KCNIP4: variants seen among roughly 807,000 people sequenced by gnomAD.
KCNIP4 encodes the protein potassium voltage-gated channel interacting protein 4, also known as Kv channel-interacting protein 4.
In KCNIP4, 12 loss-of-function variants were observed where a neutral mutation model predicts 34.0. The ratio of observed to expected loss-of-function variants is 0.35; its 90% CI spans 0.23 to 0.57. The LOEUF is 0.57. KCNIP4 is among the 20% of genes least tolerant of loss of function. KCNIP4 has a pLI of 0.83. For synonymous variants in KCNIP4, 124 were observed against 102.2 expected, an observed-to-expected ratio of 1.21 and a Z score of -1.29; for missense variants, 238 against 311.7, an observed-to-expected ratio of 0.76 and a Z score of 1.78.
chr4:21,809,825 C>G (rs1296722931), intron 1 of KCNIP4, among the ~76,000 whole-genome samples: 3 of 152,184 alleles, frequency 2.0e-5, no homozygotes, highest in Non-Finnish European at 2.9e-5. Flanking sequence ...TAGAGCATCT[C>G]TGACAGGTCA....
In KCNIP4 at chr4:21,763,166, T is replaced by A. The variant is rs1016766068; in HGVS notation, c.61+185405A>T. ...TGGTTGAATTCACACAAACAAAATG[T>A]GAAGAACATTGCCCAGATTATCATT... is the stretch of plus-strand genomic sequence containing the variant. On this transcript the variant is annotated intron_variant, in intron 1 of 8. Transcript: ENST00000382152. 3.4e-6 allele frequency: 4 copies of A among 1,173,248 alleles called. No homozygotes were observed. In the African/African-American group the frequency reaches 4.7e-5, roughly 14 times the overall value. The allele number at this position is 1,173,248 out of a possible 1,614,324, so 72.7% of individuals were successfully genotyped here. A position where few individuals can be genotyped will look rare whatever the true frequency, so the allele number is the denominator to read the frequency against.
chr4:21,252,670 T>C (rs1205494348), intron 1 of KCNIP4, among the ~76,000 whole-genome samples: 1 of 151,776 alleles, frequency 6.6e-6, no homozygotes, highest in African/African-American at 2.4e-5. Flanking sequence ...TCAATAATGA[T>C]GTCATCATGA....
rs571892781 is a variant in KCNIP4 at position 21,606,674 on chromosome 4, A to T, written c.61+341897T>A. Among the ~76,000 whole-genome samples the T allele has an allele frequency of 1.1e-4, 16 of 152,138 alleles. 1 individual carries two copies. In the South Asian group the frequency reaches 3.1e-3, roughly 30 times the overall value. On this transcript the variant is annotated intron_variant, in intron 1 of 8. Coordinates refer to ENST00000382152, the MANE Select transcript of KCNIP4 (RefSeq NM_025221.6). ...AATGGCACCATTTCGGCTCACTGCA[A>T]CCTCTGCCTCCCGGGTTCAATCGAT...
chr4:21,412,182 C>G (rs6811936), intron 1 of KCNIP4, among the ~76,000 whole-genome samples: 39,824 of 152,066 alleles, frequency 0.26, 6,004 homozygotes, highest in East Asian at 0.33. Context: ...TTTTGTAGCT[C>G]TTTGACAGCT....
chr4:21,445,959 C>T (rs527578051), intron 1 of KCNIP4, among the ~76,000 whole-genome samples: 15 of 152,212 alleles, frequency 9.9e-5, no homozygotes, highest in African/African-American at 1.7e-4. Flanking sequence ...AAAAACTGGG[C>T]GAAGAATATG....
chr4:21,785,420 G>C (rs1719836886), intron 1 of KCNIP4, among the ~76,000 whole-genome samples: 1 of 151,822 alleles, frequency 6.6e-6, no homozygotes, highest in South Asian at 2.1e-4. Context: ...GTGAAACCCT[G>C]CCTCTACTAA....
intron 1 of KCNIP4, among the ~76,000 whole-genome samples, chr4:21,460,874 C>T (rs559489042): frequency 6.6e-6 from 1 of 152,148 alleles, no homozygotes; most frequent in Admixed American, 6.5e-5. Flanking sequence ...GGGATGTATC[C>T]TTTAGACCCC....
intron 1 of KCNIP4, among the ~76,000 whole-genome samples, chr4:21,887,587 T>C (rs1263617428): frequency 3.9e-5 from 6 of 152,126 alleles, no homozygotes; most frequent in African/African-American, 1.4e-4. Flanking sequence ...CCCATTTACC[T>C]TCCTAAATTG....
At chr4:21,693,747 TG>T (rs1711954384) in intron 1 of KCNIP4, among the ~76,000 whole-genome samples, 2 of 152,162 alleles carry the variant, frequency 1.3e-5, no homozygotes, top group South Asian at 4.1e-4. Context: ...CTTGATGGAA[TG>T]ATGAATTCTT....
intron 1 of KCNIP4, among the ~76,000 whole-genome samples, chr4:21,546,229 T>G (rs1738141606): frequency 6.6e-6 from 1 of 152,122 alleles, no homozygotes; most frequent in South Asian, 2.1e-4. Flanking sequence ...TATTCTTAGG[T>G]TCTACCCACA....
chr4:21,553,497 GTCTGGAAGCCTTTTAAGACGCACTTT>G (rs1473580298), intron 1 of KCNIP4, among the ~76,000 whole-genome samples: 12 of 152,102 alleles, frequency 7.9e-5, no homozygotes, highest in Non-Finnish European at 1.6e-4. Flanking sequence ...GGCCTCACCT[GTCTGGAAGCCTTTTAAGACGCACTTT>G]TCTGGAAGCC....
intron 1 of KCNIP4, among the ~76,000 whole-genome samples, chr4:21,619,109 T>C (rs1744829795): frequency 6.6e-6 from 1 of 152,088 alleles, no homozygotes; most frequent in Non-Finnish European, 1.5e-5. Flanking sequence ...TGTGGAGTGA[T>C]TGGATAATTA....
intron 5 of KCNIP4, among the ~76,000 whole-genome samples, chr4:20,747,529 C>T (rs1752629961): frequency 6.6e-6 from 1 of 152,122 alleles, no homozygotes; most frequent in African/African-American, 2.4e-5. Context: ...AGACTGGTAC[C>T]CAGGATAGTC....
chr4:21,437,157 G>T (rs1402385175), intron 1 of KCNIP4, among the ~76,000 whole-genome samples: 4 of 152,090 alleles, frequency 2.6e-5, no homozygotes, highest in African/African-American at 4.8e-5. Context: ...TCTTTTCAAT[G>T]CTGTCTTCTG....
intron 1 of KCNIP4, among the ~76,000 whole-genome samples, chr4:20,990,821 G>A (rs10027858): frequency 0.43 from 65,382 of 151,892 alleles, 14,672 homozygotes; most frequent in African/African-American, 0.54. Context: ...CTCTGTAATA[G>A]GTGTCTGTCA....
At chr4:21,350,405 G>A (rs1453838195) in intron 1 of KCNIP4, among the ~76,000 whole-genome samples, 3 of 152,144 alleles carry the variant, frequency 2.0e-5, no homozygotes, top group Non-Finnish European at 4.4e-5. Context: ...ATACCCCAAG[G>A]AATATGCAGG....
At chr4:20,981,843 C>A (rs1439760197) in intron 1 of KCNIP4, among the ~76,000 whole-genome samples, 9 of 152,080 alleles carry the variant, frequency 5.9e-5, no homozygotes, top group Admixed American at 4.6e-4. Flanking sequence ...TTATGTACAT[C>A]TCTATGTGTA....
At chr4:21,490,016 TTGA>T (rs1363480042) in intron 1 of KCNIP4, among the ~76,000 whole-genome samples, 1 of 152,192 alleles carries the variant, frequency 6.6e-6, no homozygotes, top group Non-Finnish European at 1.5e-5. Context: ...CAGAAGAATT[TTGA>T]GAACAAAGGA....
intron 1 of KCNIP4, among the ~76,000 whole-genome samples, chr4:21,711,349 A>G (rs1713709453): frequency 6.6e-6 from 1 of 152,050 alleles, no homozygotes; most frequent in Non-Finnish European, 1.5e-5. Context: ...ACATGCACCT[A>G]TAGTCCCAGC....
Sources: gnomAD v4.1 joint callset for allele counts (sites outside exome capture counted in the v4.1 genomes callset) on GRCh38, gnomAD v4.1.1 for gene constraint, MANE v1.5 for transcripts, NCBI Gene and HGNC (gene_info 2026-07-23, HGNC 2026-07-21) for gene names.